PITPNC1: variants seen among roughly 807,000 people sequenced by gnomAD.
The protein encoded by PITPNC1 is cytoplasmic phosphatidylinositol transfer protein 1.
A neutral mutation model predicts 44.7 loss-of-function variants in PITPNC1; 18 were observed. The ratio of observed to expected loss-of-function variants is 0.40; its 90% CI spans 0.28 to 0.60. The LOEUF is 0.60. PITPNC1 is among the 20% of genes least tolerant of loss of function. The pLI, the probability that PITPNC1 is intolerant of heterozygous loss-of-function variation, is 0.39. For synonymous variants in PITPNC1, 141 were observed against 149.6 expected, an observed-to-expected ratio of 0.94 and a Z score of 0.42; for missense variants, 290 against 418.4, an observed-to-expected ratio of 0.69 and a Z score of 2.68.
At chr17:67,470,644 C>T (rs1056145714) in intron 1 of PITPNC1, among the ~76,000 whole-genome samples, 123 of 152,142 alleles carry the variant, frequency 8.1e-4, no homozygotes, top group African/African-American at 2.8e-3. Context: ...TCTGCCCGGC[C>T]GCCCCTACTG....
intron 1 of PITPNC1, among the ~76,000 whole-genome samples, chr17:67,522,751 C>T (rs2040344171): frequency 6.7e-6 from 1 of 148,908 alleles, no homozygotes; most frequent in Non-Finnish European, 1.5e-5. Context: ...CACCCTGGAC[C>T]TCCTGGGCTC....
At chr17:67,414,345 C>A (rs12936359) in intron 1 of PITPNC1, among the ~76,000 whole-genome samples, 14,276 of 152,168 alleles carry the variant, frequency 0.094, 726 homozygotes, top group African/African-American at 0.13. Context: ...TATCTTTTCA[C>A]TGGAATACTA....
intron 4 of PITPNC1, among the ~76,000 whole-genome samples, chr17:67,557,853 C>T (rs897417465): frequency 1.3e-5 from 2 of 152,180 alleles, no homozygotes; most frequent in Non-Finnish European, 2.9e-5. Flanking sequence ...TCCTAAATAC[C>T]TCTTCTTGCT....
At chr17:67,415,792 C>G (rs995782615) in intron 1 of PITPNC1, among the ~76,000 whole-genome samples, 1 of 152,084 alleles carries the variant, frequency 6.6e-6, no homozygotes, top group African/African-American at 2.4e-5. Flanking sequence ...TCATGTTGTA[C>G]TCTTCTTTCG....
chr17:67,564,573 A>G (rs1598826436), intron 4 of PITPNC1, among the ~76,000 whole-genome samples: 2 of 152,280 alleles, frequency 1.3e-5, no homozygotes, highest in South Asian at 4.1e-4. Context: ...AAACACCCTC[A>G]CAGACACACC....
At chr17:67,631,080 A>G in intron 5 of PITPNC1, among the ~76,000 whole-genome samples, 1 of 146,676 alleles carries the variant, frequency 6.8e-6, no homozygotes, top group Non-Finnish European at 1.5e-5. Context: ...TATTATTATT[A>G]TTATTATTAT....
chr17:67,571,763 A>G (rs2041060618), intron 4 of PITPNC1, among the ~76,000 whole-genome samples: 2 of 152,184 alleles, frequency 1.3e-5, no homozygotes, highest in Non-Finnish European at 1.5e-5. Flanking sequence ...CAACAAAAGA[A>G]TCTCTGCTTT....
At chr17:67,682,179 G>C (rs2042721329) in intron 8 of PITPNC1, among the ~76,000 whole-genome samples, 1 of 151,990 alleles carries the variant, frequency 6.6e-6, no homozygotes, top group Non-Finnish European at 1.5e-5. Context: ...CCAGCCTGGG[G>C]ACAGAGTGAG....
intron 1 of PITPNC1, among the ~76,000 whole-genome samples, chr17:67,511,648 A>G (rs905572677): frequency 6.6e-6 from 1 of 152,114 alleles, no homozygotes; most frequent in Non-Finnish European, 1.5e-5. Context: ...AGCTGGGATT[A>G]CAGGCACTCA....
intron 4 of PITPNC1, among the ~76,000 whole-genome samples, chr17:67,559,280 C>G (rs1039668340): frequency 1.3e-5 from 2 of 152,020 alleles, no homozygotes; most frequent in Admixed American, 6.6e-5. Context: ...TATACCAGAC[C>G]TCTAGGATTG....
chr17:67,608,257 C>CAAAAAAAAAAAAAAAAAAAAAAAAAAAAA (rs763822573), intron 5 of PITPNC1, among the ~76,000 whole-genome samples: 1 of 124,490 alleles, frequency 8.0e-6, no homozygotes. Context: ...CAAAAAAAAA[C>CAAAAAAAAAAAAAAAAAAAAAAAAAAAAA]AAAAAAAAAA....
At chr17:67,567,899 G>A (rs1000962271) in intron 4 of PITPNC1, among the ~76,000 whole-genome samples, 4 of 151,998 alleles carry the variant, frequency 2.6e-5, no homozygotes, top group Admixed American at 2.6e-4. Flanking sequence ...CTTGAACCCA[G>A]GGGGTGGAAT....
chr17:67,631,639 A>C (rs1437874529), intron 5 of PITPNC1, among the ~76,000 whole-genome samples: 1 of 10,954 alleles, frequency 9.1e-5, no homozygotes, highest in African/African-American at 2.4e-4. Flanking sequence ...AAAAACCAAA[A>C]AAAAAAAAAA....
chr17:67,420,285 A>T (rs959644816), intron 1 of PITPNC1, among the ~76,000 whole-genome samples: 6 of 152,122 alleles, frequency 3.9e-5, no homozygotes, highest in Non-Finnish European at 8.8e-5. Flanking sequence ...AAGAATCTCA[A>T]TGTGTGACCA....
intron 5 of PITPNC1, among the ~76,000 whole-genome samples, chr17:67,600,310 G>A (rs938999397): frequency 4.6e-5 from 7 of 152,060 alleles, no homozygotes; most frequent in African/African-American, 1.7e-4. Flanking sequence ...AAACGACCCC[G>A]CAAATCTAAC....
intron 5 of PITPNC1, among the ~76,000 whole-genome samples, chr17:67,625,813 C>A (rs1447998838): frequency 2.0e-5 from 3 of 152,106 alleles, no homozygotes; most frequent in Non-Finnish European, 4.4e-5. Context: ...TGTTAATGGT[C>A]ACCTGGGTCA....
chr17:67,501,904 G>T (rs146154422), intron 1 of PITPNC1, among the ~76,000 whole-genome samples: 6 of 152,256 alleles, frequency 3.9e-5, no homozygotes, highest in East Asian at 1.9e-4. Context: ...CGTCATTTTG[G>T]TCTTCTGCTT....
intron 6 of PITPNC1, among the ~76,000 whole-genome samples, chr17:67,647,464 G>GTTTTTTTTGTTTTT (rs2042162118): frequency 5.5e-5 from 4 of 72,326 alleles, no homozygotes; most frequent in African/African-American, 1.8e-4. Context: ...CTAATTTTGG[G>GTTTTTTTTGTTTTT]TTTTTTTTTT....
chr17:67,584,772 C>CTATG (rs2041288870), intron 5 of PITPNC1, among the ~76,000 whole-genome samples: 1 of 152,164 alleles, frequency 6.6e-6, no homozygotes. Flanking sequence ...TGAGCACCTA[C>CTATG]TATGTCCCAG....
Sources: gnomAD v4.1 joint callset for allele counts (sites outside exome capture counted in the v4.1 genomes callset) on GRCh38, gnomAD v4.1.1 for gene constraint, MANE v1.5 for transcripts, NCBI Gene and HGNC (gene_info 2026-07-23, HGNC 2026-07-21) for gene names.